TIMELESS: variants seen among roughly 807,000 people sequenced by gnomAD.
TIMELESS encodes timeless circadian regulator, also known as protein timeless homolog.
In TIMELESS, 124 loss-of-function variants were observed where a neutral mutation model predicts 164.3. The observed-to-expected ratio is 0.75, with a 90% CI of 0.65 to 0.88. TIMELESS has a LOEUF of 0.88. TIMELESS is among the 40% of genes least tolerant of loss of function. TIMELESS has a pLI of 0.00. For synonymous variants in TIMELESS, 564 were observed against 563.4 expected (o/e 1.00, Z -0.02); for missense variants, 1,422 against 1,491.4 (o/e 0.95, Z 0.77).
At position 56,422,861 on chromosome 12, in the gene TIMELESS, G is replaced by A. The variant is rs201438885; in HGVS notation, c.2424C>T (p.Gly808=). ...TTCAAGCTCACCTGTCATCCAGGGA[G>A]CCATAGCCCTCAGTCATCTCTCGAA... The part of the protein sequence containing the change: ...AVVREMTEGY[G]SLDDRSSSRR... The change falls in exon 19 of 29, where the codon GGC becomes GGT. Residue 808 remains glycine (G), a synonymous_variant. Transcript: ENST00000553532. The A allele has an allele frequency of 2.0e-4, 315 of 1,607,276 alleles. 3 individuals carry two copies. The highest frequency in any genetic ancestry group is 1.3e-3 in the South Asian group (122 of 90,692).
Position 56,433,049 on chromosome 12 carries a change from G to A in TIMELESS, c.508C>T (p.Pro170Ser). ...ACCTTCTCCTGATCAAGGTCAGCTGGGACATGGAGAATATTTCTGACCAGC... is the reference window on the plus strand; with the variant it reads ...ACCTTCTCCTGATCAAGGTCAGCTGAGACATGGAGAATATTTCTGACCAGC... ...LLLVRNILHV[P>S]ADLDQEKKID... is the part of the protein sequence containing the mutation. The change falls in exon 6 of 29, where the codon CCA (proline) becomes TCA (serine). Residue 170 changes from proline to serine, a missense_variant. Physicochemically the swap from Pro to Ser is moderately conservative, Grantham distance 74 (BLOSUM62 -1). Coordinates refer to ENST00000553532, the MANE Select transcript of TIMELESS (RefSeq NM_003920.5). The A allele has an allele frequency of 6.2e-7, 1 of 1,613,862 alleles. No individual in the cohort carries two copies. Among genetic ancestry groups the A allele is most frequent in the Non-Finnish European group, 8.5e-7 (1 of 1,179,982 alleles).
rs1461646074 is a variant in TIMELESS, at chr12:56,422,274, A to G, written c.2439-83T>C. On this transcript the variant is annotated intron_variant, in intron 19 of 28. Coordinates refer to ENST00000553532, the MANE Select transcript of TIMELESS (RefSeq NM_003920.5). ...AAAGGCCTTCTCTGATCAGTTCTGA[A>G]AAGAACAGGAAGGACAAGGCAGGTA... 5 of 1,272,588 alleles carry G rather than the reference A, an allele frequency of 3.9e-6. No individual in the cohort carries two copies. The African/African-American group carries it at 5.9e-5, about 15-fold the overall frequency. The allele number at this position is 1,272,588 out of a possible 1,614,324, so 78.8% of individuals were successfully genotyped here.
Position 56,441,443 on chromosome 12 carries a change from G to A in TIMELESS, c.-61-7212C>T, listed in dbSNP as rs529663552. On this transcript the variant is annotated intron_variant, in intron 1 of 28. Transcript: ENST00000553532. Reference sequence around the variant, plus strand: ...TTGAGACCAGCCTGGGCAACATAGCGAAGCCCAGTCTCCACAAAAAATAAA... The same window carrying A: ...TTGAGACCAGCCTGGGCAACATAGCAAAGCCCAGTCTCCACAAAAAATAAA... Among the ~76,000 whole-genome samples the A allele has an allele frequency of 9.2e-5, 14 of 151,954 alleles. No homozygotes were observed. In the East Asian group the frequency reaches 2.3e-3, roughly 25 times the overall value.
intron 19 of TIMELESS, 142 bp from the exon 20 acceptor site, chr12:56,422,333 G>A: frequency 3.0e-6 from 2 of 655,876 alleles, no homozygotes; most frequent in Non-Finnish European, 5.2e-6. Context: ...GGCCTACAGT[G>A]TGCCTCCTTC....
rs1223950337 is a variant in TIMELESS, at chr12:56,416,516, T to G, written c.*1200A>C. The G allele has an allele frequency of 6.6e-6, 1 of 152,124 alleles. No homozygotes were observed. The highest frequency in any genetic ancestry group is 1.5e-5 in the Non-Finnish European group (1 of 68,014). The allele number at this position is 152,124 out of a possible 1,614,324, so 9.4% of individuals were successfully genotyped here. On this transcript the variant is annotated 3_prime_UTR_variant, in exon 29 of 29. Transcript: ENST00000553532. The stretch of plus-strand genomic sequence containing the variant: ...GGGTAAGAACATAATATTTGCAGTA[T>G]TTATCCATCCTTTTCATGCCTAGAT...
At chr12:56,442,757 C>T (rs772679074) in intron 1 of TIMELESS, among the ~76,000 whole-genome samples, 30 of 152,214 alleles carry the variant, frequency 2.0e-4, no homozygotes, top group Non-Finnish European at 3.7e-4. Context: ...TCAGGGACCC[C>T]GAATGGAGAG....
intron 26 of TIMELESS, among the ~76,000 whole-genome samples, chr12:56,419,459 AGTGT>A (rs10664617): frequency 3.4e-4 from 51 of 148,046 alleles, no homozygotes; most frequent in African/African-American, 5.2e-4. Flanking sequence ...AGACAGATGG[AGTGT>A]GTGTGTGTGT....
At position 56,434,165 on chromosome 12, in the gene TIMELESS, G is replaced by C. The variant is rs1342571989; in HGVS notation, c.6C>G (p.Asp2Glu). 1.9e-6 allele frequency: 3 copies of C among 1,614,012 alleles called. No homozygotes were observed. The South Asian group carries it at 3.3e-5, about 18-fold the overall frequency. Residue 2 changes from aspartate to glutamate, a missense_variant, in exon 2 of 29, where the codon GAC becomes GAG. Physicochemically the swap from Asp to Glu is conservative, Grantham distance 45 (BLOSUM62 2). Coordinates refer to ENST00000553532, the MANE Select transcript of TIMELESS (RefSeq NM_003920.5). ...GAAGTTCACAGTTCATCATGTGCAA[G>C]TCCATACATCAGTGGACCAACCAAC... is the stretch of plus-strand genomic sequence containing the variant. M[D>E]LHMMNCELLA...
chr12:56,430,949 A>C lies in TIMELESS; in HGVS notation c.841T>G (p.Ser281Ala). 1.3e-6 allele frequency: 2 copies of C among 1,589,142 alleles called. No individual in the cohort carries two copies. Among genetic ancestry groups the C allele is most frequent in the Non-Finnish European group, 1.7e-6 (2 of 1,170,710 alleles). ...RGNRHSRFGGSYIVQGLKSIG... is the reference protein window; with the variant it reads ...RGNRHSRFGGAYIVQGLKSIG... Reference sequence around the variant, plus strand: ...GATTTCAACCCCTGGACAATATAGGAGCCCCCAAATCGAGAATGCCTGCAG... The same window carrying C: ...GATTTCAACCCCTGGACAATATAGGCGCCCCCAAATCGAGAATGCCTGCAG... Residue 281 changes from serine to alanine, a missense_variant, in exon 9 of 29, where the codon TCC becomes GCC. Transcript: ENST00000553532.
Position 56,432,405 on chromosome 12 carries a change from A to G in TIMELESS, c.651T>C (p.His217=), listed in dbSNP as rs762836095. The change falls in exon 7 of 29, where the codon CAT becomes CAC. Residue 217 remains histidine, a synonymous_variant. Coordinates refer to ENST00000553532, the MANE Select transcript of TIMELESS (RefSeq NM_003920.5). ...ACATAAGGGAGACAATCTCTAGCAC[A>G]TGTAGGCTCCATTGCTCCTCAGCAG... ...SSSAEEQWSL[H]VLEIVSLMFR... 3 of 1,614,088 alleles carry G rather than the reference A, an allele frequency of 1.9e-6. No homozygotes were observed. Among genetic ancestry groups the G allele is most frequent in the Admixed American group, 1.7e-5 (1 of 60,010 alleles).
At chr12:56,432,290 T>G (rs1881911831) in intron 7 of TIMELESS, 79 bp downstream of exon 7, 4 of 1,502,480 alleles carry the variant, frequency 2.7e-6, no homozygotes, top group Non-Finnish European at 3.6e-6. Flanking sequence ...AATGCAGCCA[T>G]TATCACAAGA....
At position 56,423,425 on chromosome 12, in the gene TIMELESS, T is replaced by C. The variant is rs1264951542; in HGVS notation, c.2141A>G (p.Tyr714Cys). Reference protein sequence around the residue: ...VRAYVLLLRSYQQNSAHTNHC... With the variant: ...VRAYVLLLRSCQQNSAHTNHC... ...GTTAGTGTGGGCACTATTCTGCTGG[T>C]AGCTCCTTAGTAGCAGCACATAGGC... Residue 714 changes from tyrosine (Y) to cysteine (C), a missense_variant, in exon 18 of 29, where the codon TAC becomes TGC. By Grantham distance (194) the Tyr-to-Cys change is radical. Transcript: ENST00000553532. The C allele has an allele frequency of 6.2e-7, 1 of 1,614,102 alleles. No homozygotes were observed. The highest frequency in any genetic ancestry group is 1.7e-5 in the Admixed American group (1 of 60,000).
At chr12:56,439,232 G>A (rs1226336538) in intron 1 of TIMELESS, among the ~76,000 whole-genome samples, 3 of 147,722 alleles carry the variant, frequency 2.0e-5, no homozygotes, top group Non-Finnish European at 4.5e-5. Context: ...TTGTATGATG[G>A]AATTTATATG....
At chr12:56,431,364 A>C in intron 8 of TIMELESS, 107 bp downstream of exon 8, 1 of 1,396,918 alleles carries the variant, frequency 7.2e-7, no homozygotes. Flanking sequence ...CAAAAAAAAA[A>C]AAAAAAAACA....
intron 1 of TIMELESS, among the ~76,000 whole-genome samples, chr12:56,437,113 G>A (rs1882098136): frequency 6.6e-6 from 1 of 152,080 alleles, no homozygotes; most frequent in African/African-American, 2.4e-5. Context: ...ATTTTTAGTA[G>A]AGACGGGGTT....
Position 56,417,804 on chromosome 12 carries a change from G to A in TIMELESS, c.3557-18C>T. 6.2e-7 allele frequency: 1 copy of A among 1,614,078 alleles called. No homozygotes were observed. Among genetic ancestry groups the A allele is most frequent in the Non-Finnish European group, 8.5e-7 (1 of 1,179,950 alleles). ...CTCTGGTGCTGTGGGAACGATGGGG[G>A]TGAGAGAGAGAGAGAATATCTAAAT... is the stretch of plus-strand genomic sequence containing the variant. On this transcript the variant is annotated intron_variant, in intron 28 of 28. Transcript: ENST00000553532.
chr12:56,439,451 T>G, intron 1 of TIMELESS, among the ~76,000 whole-genome samples: 1 of 150,564 alleles, frequency 6.6e-6, no homozygotes. Flanking sequence ...CAGGTTGGAG[T>G]ACAGATCAAT....
At position 56,433,922 on chromosome 12, in the gene TIMELESS, G is replaced by T. The variant is rs773925632; in HGVS notation, c.102C>A (p.Ser34Arg). ...TYHKEPDCLE[S>R]VKDLIRYLRH... ...TCAAATAGCGGATCAGATCCTTCAC[G>T]CTCTCTTCAGAGACAGAACAAAACA... Residue 34 changes from serine (S) to arginine (R), a missense_variant, in exon 3 of 29, where the codon AGC becomes AGA. Physicochemically the swap from Ser to Arg is moderately radical, Grantham distance 110 (BLOSUM62 -1). Transcript: ENST00000553532. 2.6e-5 allele frequency: 42 copies of T among 1,614,126 alleles called. No individual in the cohort carries two copies. The highest frequency in any genetic ancestry group is 4.4e-5 in the South Asian group (4 of 91,078).
At chr12:56,444,339 T>C (rs548246677) in intron 1 of TIMELESS, among the ~76,000 whole-genome samples, 68 of 152,306 alleles carry the variant, frequency 4.5e-4, no homozygotes, top group African/African-American at 1.4e-3. Flanking sequence ...TTAGGAACAA[T>C]TGAGGTTATC....
Sources: gnomAD v4.1 joint callset for allele counts (sites outside exome capture counted in the v4.1 genomes callset) on GRCh38, gnomAD v4.1.1 for gene constraint, MANE v1.5 for transcripts, NCBI Gene and HGNC (gene_info 2026-07-23, HGNC 2026-07-21) for gene names.